Variants in COL4A6 observed in about 807,000 individuals in gnomAD.
COL4A6 encodes collagen alpha-6(IV) chain.
Under a neutral mutation model 126.7 loss-of-function variants are expected in COL4A6, and 59 were observed. The ratio of observed to expected loss-of-function variants is 0.47; its 90% CI spans 0.38 to 0.58. COL4A6 has a LOEUF of 0.58. Among genes scored for constraint, COL4A6 ranks in the 20% least tolerant of loss-of-function variants. The probability of loss-of-function intolerance (pLI) is 0.00; values close to 1 mark genes in which losing one functional copy is unlikely to be tolerated. For synonymous variants in COL4A6, 547 were observed against 496.6 expected (o/e 1.10, Z -1.35); for missense variants, 1,285 against 1,337.3 (o/e 0.96, Z 0.61).
intron 2 of COL4A6, among the ~76,000 whole-genome samples, chrX:108,349,045 G>T (rs564848977): frequency 9.0e-6 from 1 of 111,248 alleles, no homozygotes; most frequent in South Asian, 3.9e-4. Context: ...CTTGGTGGGA[G>T]TATTTATACC....
intron 2 of COL4A6, among the ~76,000 whole-genome samples, chrX:108,318,924 A>T (rs956243938): frequency 3.6e-5 from 4 of 112,614 alleles, no homozygotes; most frequent in Non-Finnish European, 7.5e-5. Context: ...AGATCCTAGT[A>T]ACTGCTCTTA....
intron 3 of COL4A6, among the ~76,000 whole-genome samples, chrX:108,307,472 T>C (rs1431422468): frequency 8.9e-6 from 1 of 112,351 alleles, no homozygotes; most frequent in East Asian, 2.8e-4. Flanking sequence ...CTGTTTGAGA[T>C]AGCTTCATCC....
intron 2 of COL4A6, among the ~76,000 whole-genome samples, chrX:108,385,348 A>G (rs1472093847): frequency 1.1e-4 from 12 of 111,339 alleles, no homozygotes; most frequent in African/African-American, 3.6e-4. Flanking sequence ...AAGATATTAA[A>G]GAAAATCTAA....
In COL4A6 at chrX:108,211,554, C is replaced by T. The variant is rs1452074987; in HGVS notation, c.510+118G>A. On this transcript the variant is annotated intron_variant, in intron 7 of 44. Transcript: ENST00000334504. ...CAGATTCTTTTGAATCCAGCTTGGTCTGCTCCTTAAATAGAGACACAGATG... is the reference window on the plus strand; with the variant it reads ...CAGATTCTTTTGAATCCAGCTTGGTTTGCTCCTTAAATAGAGACACAGATG... 6.4e-6 allele frequency: 4 copies of T among 629,382 alleles called. No individual in the cohort carries two copies. In the African/African-American group the frequency reaches 8.9e-5, roughly 14 times the overall value. 51.9% of individuals were successfully genotyped at this position (629,382 alleles called of 1,213,427 possible).
At chrX:108,300,171 A>T (rs2038448077) in intron 3 of COL4A6, among the ~76,000 whole-genome samples, 1 of 111,355 alleles carries the variant, frequency 9.0e-6, no homozygotes, top group African/African-American at 3.3e-5. Context: ...TTTTATGATG[A>T]ATTCTCCTTA....
intron 27 of COL4A6, 85 bp downstream of exon 27, chrX:108,178,599 C>T (rs1214488417): frequency 1.0e-6 from 1 of 974,368 alleles, no homozygotes; most frequent in Non-Finnish European, 1.4e-6. Context: ...CCATGTCCCA[C>T]TACTGCTATT....
At chrX:108,411,127 A>G (rs893403364) in intron 2 of COL4A6, among the ~76,000 whole-genome samples, 3 of 112,481 alleles carry the variant, frequency 2.7e-5, no homozygotes, top group African/African-American at 9.7e-5. Flanking sequence ...ATTAATGCAT[A>G]AAAAAGATAG....
intron 3 of COL4A6, among the ~76,000 whole-genome samples, chrX:108,250,573 A>G: frequency 9.1e-6 from 1 of 109,994 alleles, no homozygotes; most frequent in East Asian, 2.9e-4. Flanking sequence ...TCTCGGGAGG[A>G]CAGGGCCCTT....
At chrX:108,180,725 T>C (rs1326948921) in intron 24 of COL4A6, 103 bp from the exon 25 acceptor site, 8 of 772,564 alleles carry the variant, frequency 1.0e-5, no homozygotes, top group African/African-American at 6.4e-5. Flanking sequence ...GAGCCTCTCC[T>C]TGTCTCACCT....
At chrX:108,396,422 C>T (rs1342093228) in intron 2 of COL4A6, among the ~76,000 whole-genome samples, 1 of 111,702 alleles carries the variant, frequency 9.0e-6, no homozygotes, top group African/African-American at 3.3e-5. Context: ...AGTGTCTGTG[C>T]GCTGGTCTGG....
chrX:108,414,263 G>A (rs1221764558), intron 2 of COL4A6, among the ~76,000 whole-genome samples: 1 of 111,970 alleles, frequency 8.9e-6, no homozygotes, highest in African/African-American at 3.2e-5. Context: ...AGGAAGATGC[G>A]AATGCTGAGA....
chrX:108,378,798 CT>C (rs1338870437), intron 2 of COL4A6, among the ~76,000 whole-genome samples: 24 of 113,364 alleles, frequency 2.1e-4, no homozygotes, highest in Non-Finnish European at 4.1e-4. Context: ...TTGATGCTAC[CT>C]ATTTTTGTAA....
chrX:108,425,202 T>TGA (rs1293843802), intron 2 of COL4A6, among the ~76,000 whole-genome samples: 5 of 83,550 alleles, frequency 6.0e-5, no homozygotes, highest in South Asian at 7.0e-4. Flanking sequence ...TGTGTGTGTG[T>TGA]GAGAGAGAGA....
At chrX:108,269,995 T>C (rs139461537) in intron 3 of COL4A6, among the ~76,000 whole-genome samples, 3,303 of 111,740 alleles carry the variant, frequency 0.03, 118 homozygotes, top group African/African-American at 0.1. Flanking sequence ...TTTGGAGCCA[T>C]GGGCCTTTAA....
In COL4A6 at chrX:108,198,810, C is replaced by T. The variant is rs927545478; in HGVS notation, c.835-2231G>A. On this transcript the variant is annotated intron_variant, in intron 13 of 44. Transcript: ENST00000334504. The stretch of plus-strand genomic sequence containing the variant: ...AAGAACCCCACCTACCTAGTAGTTA[C>T]CCCTACTGGGTAGGTGTGTGGGTAA... Among the ~76,000 whole-genome samples, 11 of 111,347 alleles carry T rather than the reference C, an allele frequency of 9.9e-5. No homozygotes were observed. In the East Asian group the frequency reaches 2.8e-3, roughly 29 times the overall value.
At chrX:108,384,272 C>T (rs1368522432) in intron 2 of COL4A6, among the ~76,000 whole-genome samples, 1 of 111,845 alleles carries the variant, frequency 8.9e-6, no homozygotes, top group Non-Finnish European at 1.9e-5. Flanking sequence ...TCTTCTCATC[C>T]ATCCATTCAT....
chrX:108,294,408 T>TG (rs1207309245), intron 3 of COL4A6, among the ~76,000 whole-genome samples: 36 of 87,153 alleles, frequency 4.1e-4, no homozygotes, highest in East Asian at 2.9e-3. Context: ...TGTTTTTTTT[T>TG]TTTTTGGTGT....
intron 13 of COL4A6, among the ~76,000 whole-genome samples, chrX:108,200,151 T>G (rs1174365727): frequency 8.0e-5 from 9 of 112,380 alleles, no homozygotes; most frequent in African/African-American, 2.9e-4. Context: ...TACTGTCCAA[T>G]AGAAATATAA....
intron 2 of COL4A6, among the ~76,000 whole-genome samples, chrX:108,368,438 G>C (rs187805449): frequency 4.5e-5 from 5 of 111,064 alleles, no homozygotes; most frequent in African/African-American, 1.6e-4. Flanking sequence ...AGTGAGTGGT[G>C]AGTGAATGTG....
Sources: allele counts gnomAD v4.1 joint callset (sites outside exome capture counted in the v4.1 genomes callset), GRCh38; gene constraint gnomAD v4.1.1; transcripts MANE v1.5; gene names NCBI Gene and HGNC (gene_info 2026-07-23, HGNC 2026-07-21).